The following NDUFS4 variants were observed in gnomAD, a reference collection of about 807,000 sequenced individuals.
The protein encoded by NDUFS4 is NADH dehydrogenase [ubiquinone] iron-sulfur protein 4, mitochondrial.
NDUFS4 carries 28 observed loss-of-function variants against 24.3 expected under a neutral mutation model. The ratio of observed to expected loss-of-function variants is 1.15; its 90% CI spans 0.85 to 1.58. NDUFS4 has a LOEUF of 1.58. Ranked by LOEUF, NDUFS4 falls within the 40% of genes most tolerant of loss-of-function variation. The probability of loss-of-function intolerance (pLI) is 0.00; values close to 1 mark genes in which losing one functional copy is unlikely to be tolerated. For synonymous variants in NDUFS4, 93 were observed against 69.7 expected (o/e 1.34, Z -1.67); for missense variants, 223 against 207.9 (o/e 1.07, Z -0.45).
intron 2 of NDUFS4, among the ~76,000 whole-genome samples, chr5:53,615,373 C>T (rs1269055620): frequency 6.6e-6 from 1 of 151,858 alleles, no homozygotes. Context: ...TATCATGTAT[C>T]TCAGAATAGA....
chr5:53,638,834 A>G (rs1398731704), intron 2 of NDUFS4, among the ~76,000 whole-genome samples: 1 of 152,134 alleles, frequency 6.6e-6, no homozygotes, highest in Non-Finnish European at 1.5e-5. Flanking sequence ...AACAGAGAAG[A>G]CCAAATTTCT....
At chr5:53,579,088 C>A (rs759048750) in intron 1 of NDUFS4, among the ~76,000 whole-genome samples, 4 of 152,144 alleles carry the variant, frequency 2.6e-5, no homozygotes, top group Non-Finnish European at 2.9e-5. Flanking sequence ...CCTTATCTTA[C>A]GTGACCTTTA....
intron 4 of NDUFS4, among the ~76,000 whole-genome samples, chr5:53,659,586 T>C (rs1024058131): frequency 3.9e-5 from 6 of 152,194 alleles, no homozygotes; most frequent in African/African-American, 1.4e-4. Context: ...TTGTCTTCCT[T>C]AGATTCAAAT....
In NDUFS4 at chr5:53,561,513, ATT is replaced by A. The variant is rs4147745; in HGVS notation, c.98+765_98+766del. On this transcript the variant is annotated intron_variant, in intron 1 of 4. Coordinates refer to ENST00000296684, the MANE Select transcript of NDUFS4 (RefSeq NM_002495.4). ...TTTTCCTTGAAGCATTTTTGTGATG[ATT>A]TTTTTTTTTTTGGCTGTATTAACCT... 3.2e-3 allele frequency among the ~76,000 whole-genome samples: 472 copies of A among 146,516 alleles called. 1 individual carries two copies. The highest frequency in any genetic ancestry group is 7.4e-3 in the African/African-American group (295 of 40,058).
intron 1 of NDUFS4, among the ~76,000 whole-genome samples, chr5:53,584,457 G>C (rs1749675305): frequency 6.6e-6 from 1 of 152,010 alleles, no homozygotes; most frequent in African/African-American, 2.4e-5. Flanking sequence ...CTGGGTTCAA[G>C]TGATTCTTCT....
chr5:53,566,448 G>A (rs761049431), intron 1 of NDUFS4, among the ~76,000 whole-genome samples: 17 of 152,264 alleles, frequency 1.1e-4, no homozygotes, highest in Non-Finnish European at 1.2e-4. Flanking sequence ...GATTTCACCT[G>A]TATTATCTCA....
At chr5:53,650,609 G>A (rs2112512584) in intron 3 of NDUFS4, among the ~76,000 whole-genome samples, 1 of 152,324 alleles carries the variant, frequency 6.6e-6, no homozygotes, top group South Asian at 2.1e-4. Context: ...CATTCCTTCT[G>A]TTATAGGGTA....
chr5:53,666,651 TCTGA>T (rs142953232), intron 4 of NDUFS4, among the ~76,000 whole-genome samples: 24,306 of 152,116 alleles, frequency 0.16, 1,920 homozygotes, highest in Middle Eastern at 0.19. Flanking sequence ...AATATATTTC[TCTGA>T]CTGGGCACAG....
intron 1 of NDUFS4, 139 bp downstream of exon 1, chr5:53,560,899 A>G (rs1026289856): frequency 5.9e-6 from 9 of 1,530,638 alleles, no homozygotes; most frequent in Admixed American, 2.0e-5. Flanking sequence ...CGGGCGGACT[A>G]GGGACTGTCT....
At chr5:53,602,492 T>C (rs1227241038) in intron 1 of NDUFS4, among the ~76,000 whole-genome samples, 1 of 152,218 alleles carries the variant, frequency 6.6e-6, no homozygotes, top group African/African-American at 2.4e-5. Context: ...TAAGAAGGTT[T>C]TCTATATGGC....
At chr5:53,663,803 C>T (rs1752420987) in intron 4 of NDUFS4, among the ~76,000 whole-genome samples, 1 of 152,100 alleles carries the variant, frequency 6.6e-6, no homozygotes, top group African/African-American at 2.4e-5. Flanking sequence ...CAGTCTGTAT[C>T]TTTTAATTGG....
chr5:53,616,757 G>A (rs1750851656), intron 2 of NDUFS4, among the ~76,000 whole-genome samples: 1 of 152,108 alleles, frequency 6.6e-6, no homozygotes, highest in Non-Finnish European at 1.5e-5. Flanking sequence ...ATTCTAAGTA[G>A]AAAAGTGGTT....
intron 1 of NDUFS4, among the ~76,000 whole-genome samples, chr5:53,572,957 G>GTTTTTTTT (rs796960315): frequency 1.7e-4 from 18 of 103,302 alleles, no homozygotes; most frequent in South Asian, 3.4e-4. Flanking sequence ...GTTGTTTTTT[G>GTTTTTTTT]TTTTTTTTTT....
At chr5:53,683,074 T>G (rs1740723403) in intron 4 of NDUFS4, 44 bp from the exon 5 acceptor site, 2 of 1,308,560 alleles carry the variant, frequency 1.5e-6, no homozygotes, top group Non-Finnish European at 2.2e-6. Flanking sequence ...AGGTATCCTC[T>G]TTAATTCTGT....
intron 2 of NDUFS4, among the ~76,000 whole-genome samples, chr5:53,607,321 G>A (rs955160588): frequency 2.0e-5 from 3 of 152,086 alleles, no homozygotes; most frequent in African/African-American, 7.2e-5. Flanking sequence ...CACATCCATG[G>A]CAGAATTAAG....
At chr5:53,658,873 G>GA (rs1752242575) in intron 4 of NDUFS4, 1 of 416,410 alleles carries the variant, frequency 2.4e-6, no homozygotes, top group Admixed American at 4.0e-5. Flanking sequence ...AACAGGGAAT[G>GA]AAACTACTTA....
chr5:53,589,967 T>G (rs2112440218), intron 1 of NDUFS4, among the ~76,000 whole-genome samples: 1 of 152,240 alleles, frequency 6.6e-6, no homozygotes, highest in East Asian at 1.9e-4. Context: ...ATGGTGTGAG[T>G]TAATACTTAA....
intron 2 of NDUFS4, among the ~76,000 whole-genome samples, chr5:53,631,579 C>G (rs1751411626): frequency 6.6e-6 from 1 of 152,190 alleles, no homozygotes; most frequent in South Asian, 2.1e-4. Context: ...CGGTGATGCC[C>G]TGCCCATAGA....
intron 1 of NDUFS4, among the ~76,000 whole-genome samples, chr5:53,595,008 A>G (rs373709639): frequency 3.3e-5 from 5 of 152,214 alleles, no homozygotes; most frequent in South Asian, 2.1e-4. Context: ...AGTTGTCTCA[A>G]TATTATTTAT....
Sources: gnomAD v4.1 joint callset for allele counts (sites outside exome capture counted in the v4.1 genomes callset) on GRCh38, gnomAD v4.1.1 for gene constraint, MANE v1.5 for transcripts, NCBI Gene and HGNC (gene_info 2026-07-23, HGNC 2026-07-21) for gene names.